Variants in SLIT3 observed in about 807,000 individuals in gnomAD.
SLIT3 encodes the protein slit guidance ligand 3.
In SLIT3, 68 loss-of-function variants were observed where a neutral mutation model predicts 184.0. The observed-to-expected ratio is 0.37, with a 90% confidence interval of 0.30 to 0.45. The LOEUF (loss-of-function observed/expected upper bound fraction) is 0.45. Among genes scored for constraint, SLIT3 ranks in the 20% least tolerant of loss-of-function variants. The pLI is 1.00. For synonymous variants in SLIT3, 831 were observed against 828.6 expected, an observed-to-expected ratio of 1.00 and a Z score of -0.05; for missense variants, 1,707 against 2,026.0, an observed-to-expected ratio of 0.84 and a Z score of 3.02.
chr5:169,052,176 G>A (rs1367446545), intron 4 of SLIT3, among the ~76,000 whole-genome samples: 1 of 152,072 alleles, frequency 6.6e-6, no homozygotes, highest in African/African-American at 2.4e-5. Flanking sequence ...AAGACAGAGA[G>A]GGCTCCTTCA....
intron 1 of SLIT3, among the ~76,000 whole-genome samples, chr5:169,296,573 CCTGAGGGCTGGACAGAGGACTTGG>C (rs1767506801): frequency 6.6e-6 from 1 of 152,134 alleles, no homozygotes; most frequent in Non-Finnish European, 1.5e-5. Flanking sequence ...CTAAGCTGGC[CCTGAGGGCTGGACAGAGGACTTGG>C]CTGTTGAGCA....
intron 1 of SLIT3, among the ~76,000 whole-genome samples, chr5:169,295,422 G>A (rs1767471564): frequency 6.6e-6 from 1 of 152,242 alleles, no homozygotes; most frequent in Non-Finnish European, 1.5e-5. Context: ...CACATTACAG[G>A]GACTGCCTCA....
intron 4 of SLIT3, among the ~76,000 whole-genome samples, chr5:169,057,418 T>C (rs1758039181): frequency 6.6e-6 from 1 of 152,196 alleles, no homozygotes; most frequent in Admixed American, 6.5e-5. Context: ...GGCACCAGCA[T>C]GGGGCAGCCA....
chr5:168,875,541 G>A (rs1759701335), intron 5 of SLIT3, among the ~76,000 whole-genome samples: 2 of 152,074 alleles, frequency 1.3e-5, no homozygotes, highest in Admixed American at 6.6e-5. Context: ...GGCTGAAGTA[G>A]GAGAATCACT....
intron 12 of SLIT3, among the ~76,000 whole-genome samples, chr5:168,780,698 A>T (rs1287128359): frequency 6.6e-6 from 1 of 152,194 alleles, no homozygotes; most frequent in East Asian, 1.9e-4. Context: ...TTCCGCATTA[A>T]TATGCCTTCC....
chr5:169,173,235 T>G (rs1762870702), intron 4 of SLIT3, among the ~76,000 whole-genome samples: 1 of 152,158 alleles, frequency 6.6e-6, no homozygotes, highest in Non-Finnish European at 1.5e-5. Context: ...CACTCCAGCA[T>G]GGGCAACAAG....
At chr5:168,775,158 C>T (rs1426337771) in intron 12 of SLIT3, among the ~76,000 whole-genome samples, 1 of 151,972 alleles carries the variant, frequency 6.6e-6, no homozygotes, top group African/African-American at 2.4e-5. Flanking sequence ...CTGGCTCAGG[C>T]TCCTGAGGAG....
At chr5:168,695,430 G>A (rs1762029486) in intron 28 of SLIT3, among the ~76,000 whole-genome samples, 1 of 152,124 alleles carries the variant, frequency 6.6e-6, no homozygotes, top group African/African-American at 2.4e-5. Context: ...CCTCTAATAT[G>A]CTTATTTGTA....
chr5:168,681,656 C>T (rs1261767204), intron 32 of SLIT3, among the ~76,000 whole-genome samples: 1 of 152,186 alleles, frequency 6.6e-6, no homozygotes, highest in East Asian at 1.9e-4. Context: ...AATTCTCTGA[C>T]TTTCCATTTC....
chr5:168,910,060 T>A (rs539922167), intron 4 of SLIT3, among the ~76,000 whole-genome samples: 1 of 152,236 alleles, frequency 6.6e-6, no homozygotes, highest in African/African-American at 2.4e-5. Context: ...CAGCACATCA[T>A]CAAATGATTG....
intron 4 of SLIT3, among the ~76,000 whole-genome samples, chr5:168,889,214 C>T (rs1760344060): frequency 1.3e-5 from 2 of 152,192 alleles, no homozygotes; most frequent in Non-Finnish European, 2.9e-5. Context: ...ATAGGTACAT[C>T]TCTTCTGCAG....
At chr5:168,772,632 G>A (rs1161531805) in intron 14 of SLIT3, 149 bp downstream of exon 14, 6 of 739,228 alleles carry the variant, frequency 8.1e-6, no homozygotes, top group Non-Finnish European at 1.3e-5. Context: ...GTTTTCTGCA[G>A]GGCTAACTGA....
chr5:169,284,779 T>C (rs1202605156), intron 1 of SLIT3, among the ~76,000 whole-genome samples: 1 of 152,242 alleles, frequency 6.6e-6, no homozygotes, highest in Non-Finnish European at 1.5e-5. Flanking sequence ...AGTTAGAGCA[T>C]TGAATGTGTG....
chr5:168,686,916 T>A, intron 30 of SLIT3, 63 bp downstream of exon 30: 1 of 1,586,552 alleles, frequency 6.3e-7, no homozygotes, highest in Non-Finnish European at 8.6e-7. Context: ...CCTTAGCCAG[T>A]CAGCCCCAGC....
intron 4 of SLIT3, among the ~76,000 whole-genome samples, chr5:169,038,509 T>C (rs17734491): frequency 0.12 from 17,967 of 152,134 alleles, 1,360 homozygotes; most frequent in East Asian, 0.42. Context: ...AAAAAGTGCA[T>C]TAGGTAACGA....
At chr5:168,968,764 T>C (rs1754441743) in intron 4 of SLIT3, among the ~76,000 whole-genome samples, 1 of 152,202 alleles carries the variant, frequency 6.6e-6, no homozygotes, top group African/African-American at 2.4e-5. Context: ...CTACTGAGCA[T>C]GATCTACATG....
At position 169,101,963 on chromosome 5, in the gene SLIT3, C is replaced by G. The variant is rs573054460; in HGVS notation, c.413+91516G>C. Reference sequence around the variant, plus strand: ...TAACCTCAGAGATCCTGGCCTTTCCCAGCACTGACCATTCAGCGCCACAGT... The same window carrying G: ...TAACCTCAGAGATCCTGGCCTTTCCGAGCACTGACCATTCAGCGCCACAGT... On this transcript the variant is annotated intron_variant, in intron 4 of 35. Transcript: ENST00000519560. 5.3e-5 allele frequency among the ~76,000 whole-genome samples: 8 copies of G among 152,340 alleles called. No homozygotes were observed. In the South Asian group the frequency reaches 1.7e-3, roughly 32 times the overall value.
chr5:168,677,100 A>T (rs1403993469), intron 32 of SLIT3, among the ~76,000 whole-genome samples: 1 of 152,094 alleles, frequency 6.6e-6, no homozygotes, highest in Non-Finnish European at 1.5e-5. Flanking sequence ...CCCACATGGG[A>T]GAATCCTAGG....
chr5:169,058,636 T>C (rs904724118), intron 4 of SLIT3, among the ~76,000 whole-genome samples: 2 of 152,238 alleles, frequency 1.3e-5, no homozygotes, highest in African/African-American at 4.8e-5. Context: ...GCATTCCTTG[T>C]GGCTGCTGGT....
Sources: allele counts gnomAD v4.1 joint callset (sites outside exome capture counted in the v4.1 genomes callset), GRCh38; gene constraint gnomAD v4.1.1; transcripts MANE v1.5; gene names NCBI Gene and HGNC (gene_info 2026-07-23, HGNC 2026-07-21).